The following SLIT3 variants were observed in gnomAD, a reference collection of about 807,000 sequenced individuals.
SLIT3 encodes slit guidance ligand 3.
In SLIT3, 68 loss-of-function variants were observed where a neutral mutation model predicts 184.0. The observed-to-expected ratio is 0.37, with a 90% confidence interval of 0.30 to 0.45. SLIT3 has a LOEUF of 0.45. Ranked by LOEUF, SLIT3 falls within the 20% of genes least tolerant of loss-of-function variation. The pLI, the probability that SLIT3 is intolerant of heterozygous loss-of-function variation, is 1.00. For synonymous variants in SLIT3, 831 were observed against 828.6 expected, an observed-to-expected ratio of 1.00 and a Z score of -0.05; for missense variants, 1,707 against 2,026.0, an observed-to-expected ratio of 0.84 and a Z score of 3.02.
At chr5:168,810,313 C>G (rs1334184001) in intron 8 of SLIT3, among the ~76,000 whole-genome samples, 1 of 152,242 alleles carries the variant, frequency 6.6e-6, no homozygotes, top group East Asian at 1.9e-4. Context: ...TCTTGTACAG[C>G]ATGCTCTTAT....
At chr5:169,232,313 C>T (rs780868947) in intron 3 of SLIT3, among the ~76,000 whole-genome samples, 1 of 152,176 alleles carries the variant, frequency 6.6e-6, no homozygotes, top group Non-Finnish European at 1.5e-5. Flanking sequence ...CAACCTCCGC[C>T]TCTTGGGTTC....
In SLIT3 at chr5:168,806,572, G is replaced by T; in HGVS notation, c.809C>A (p.Pro270His). 1 of 1,614,166 alleles carries T rather than the reference G, an allele frequency of 6.2e-7. No individual in the cohort carries two copies. The highest frequency in any genetic ancestry group is 8.5e-7 in the Non-Finnish European group (1 of 1,180,016). ...GATGGAGTTGGCATTGCAGGATGGG[G>T]GCTCCGAGTGGGGGGCTGTGGAGCC... ...EYVCPAPHSEPPSCNANSISC... is the reference protein window; with the variant it reads ...EYVCPAPHSEHPSCNANSISC... The change falls in exon 9 of 36, where the codon CCC becomes CAC. Residue 270 changes from proline (P) to histidine (H), a missense_variant. Coordinates refer to ENST00000519560, the MANE Select transcript of SLIT3 (RefSeq NM_003062.4).
intron 33 of SLIT3, 114 bp from the exon 34 acceptor site, chr5:168,671,597 G>C (rs1761247535): frequency 2.5e-6 from 3 of 1,223,428 alleles, no homozygotes; most frequent in Non-Finnish European, 3.4e-6. Flanking sequence ...GGCCTCTGCT[G>C]TTCAAACGAG....
intron 8 of SLIT3, among the ~76,000 whole-genome samples, chr5:168,811,349 C>T (rs1470192436): frequency 6.6e-6 from 1 of 152,138 alleles, no homozygotes; most frequent in African/African-American, 2.4e-5. Context: ...TTTTTTTCCC[C>T]CTTAGCATGA....
chr5:168,703,982 C>T (rs1017840793), intron 26 of SLIT3, among the ~76,000 whole-genome samples: 4 of 141,734 alleles, frequency 2.8e-5, no homozygotes, highest in African/African-American at 1.0e-4. Context: ...ACACTGGGAA[C>T]AGCTGCCCTC....
chr5:168,887,016 C>T (rs927640857), intron 4 of SLIT3, among the ~76,000 whole-genome samples: 3 of 126,144 alleles, frequency 2.4e-5, no homozygotes, highest in Non-Finnish European at 5.5e-5. Context: ...TAACTTTCTT[C>T]GCAAATTTAT....
chr5:168,854,045 G>A (rs970921822), intron 5 of SLIT3, among the ~76,000 whole-genome samples: 2 of 152,074 alleles, frequency 1.3e-5, no homozygotes, highest in African/African-American at 2.4e-5. Context: ...GGAGAAAACC[G>A]AGGTTCAGAG....
intron 3 of SLIT3, among the ~76,000 whole-genome samples, chr5:169,205,903 A>G (rs191576331): frequency 1.3e-5 from 2 of 152,316 alleles, no homozygotes; most frequent in Admixed American, 1.3e-4. Context: ...TTGGAGCAAG[A>G]GGCTCATGCC....
At chr5:168,737,254 G>A (rs1389261635) in intron 20 of SLIT3, among the ~76,000 whole-genome samples, 2 of 152,080 alleles carry the variant, frequency 1.3e-5, no homozygotes. Context: ...AAGTGCCACT[G>A]AGCTTTCTGG....
At chr5:169,122,452 C>T (rs1295869854) in intron 4 of SLIT3, among the ~76,000 whole-genome samples, 3 of 152,164 alleles carry the variant, frequency 2.0e-5, no homozygotes, top group African/African-American at 7.2e-5. Flanking sequence ...TGGCTCATCA[C>T]AGCTTTTCTC....
intron 4 of SLIT3, among the ~76,000 whole-genome samples, chr5:169,137,335 CAGAGAGAGAG>C (rs1554101372): frequency 2.9e-5 from 4 of 138,662 alleles, no homozygotes; most frequent in Admixed American, 2.2e-4. Flanking sequence ...CACACACACA[CAGAGAGAGAG>C]AGAGAGAGAG....
intron 4 of SLIT3, among the ~76,000 whole-genome samples, chr5:169,040,341 C>T (rs774508755): frequency 1.2e-4 from 19 of 152,206 alleles, no homozygotes; most frequent in African/African-American, 4.6e-4. Context: ...GCTAAGTTAT[C>T]TTAACAGTCC....
At chr5:169,018,249 C>G (rs867696735) in intron 4 of SLIT3, 1 of 152,226 alleles carries the variant, frequency 6.6e-6, no homozygotes, top group Non-Finnish European at 1.5e-5. Flanking sequence ...CTGAAGTCAT[C>G]GAGAAGCAGT....
chr5:169,107,667 A>T (rs778702402), intron 4 of SLIT3, among the ~76,000 whole-genome samples: 1 of 152,156 alleles, frequency 6.6e-6, no homozygotes, highest in Non-Finnish European at 1.5e-5. Context: ...GAGCCTTTCA[A>T]TTCTCCTTGT....
intron 8 of SLIT3, among the ~76,000 whole-genome samples, chr5:168,810,045 G>C (rs1757112615): frequency 6.6e-6 from 1 of 152,196 alleles, no homozygotes; most frequent in African/African-American, 2.4e-5. Context: ...AAGCCAGGGT[G>C]TCCTAAGCAG....
intron 4 of SLIT3, among the ~76,000 whole-genome samples, chr5:169,056,975 T>C (rs73312293): frequency 1.0e-3 from 152 of 152,388 alleles, no homozygotes; most frequent in African/African-American, 3.2e-3. Context: ...GAAAATGCTA[T>C]CTGCCTTACC....
intron 1 of SLIT3, among the ~76,000 whole-genome samples, chr5:169,294,809 T>A (rs1258774825): frequency 1.3e-5 from 2 of 152,182 alleles, no homozygotes; most frequent in Admixed American, 6.5e-5. Flanking sequence ...TGATAGCCTA[T>A]TGCTCCTAAG....
At chr5:168,723,294 A>ACCTG (rs1222577249) in intron 21 of SLIT3, among the ~76,000 whole-genome samples, 1 of 149,280 alleles carries the variant, frequency 6.7e-6, no homozygotes, top group Non-Finnish European at 1.5e-5. Flanking sequence ...CCAGGCAGTC[A>ACCTG]CCTGCCTGCC....
At chr5:168,822,314 CT>C (rs1757559418) in intron 7 of SLIT3, among the ~76,000 whole-genome samples, 1 of 152,188 alleles carries the variant, frequency 6.6e-6, no homozygotes, top group Admixed American at 6.5e-5. Flanking sequence ...CTAATTTCAT[CT>C]GATCCTCACC....
Sources: gnomAD v4.1 joint callset for allele counts (sites outside exome capture counted in the v4.1 genomes callset) on GRCh38, gnomAD v4.1.1 for gene constraint, MANE v1.5 for transcripts, NCBI Gene and HGNC (gene_info 2026-07-23, HGNC 2026-07-21) for gene names.